LRFN5: variants seen among roughly 807,000 people sequenced by gnomAD.
LRFN5 encodes leucine-rich repeat and fibronectin type-III domain-containing protein 5.
In LRFN5, 24 loss-of-function variants were observed where a neutral mutation model predicts 45.6. The observed-to-expected ratio is 0.53, with a 90% CI of 0.38 to 0.74. The LOEUF is 0.74. Ranked by LOEUF, LRFN5 falls within the 30% of genes least tolerant of loss-of-function variation. The probability of loss-of-function intolerance (pLI) is 0.00; values close to 1 mark genes in which losing one functional copy is unlikely to be tolerated. For synonymous variants in LRFN5, 340 were observed against 313.8 expected (o/e 1.08, Z -0.88); for missense variants, 776 against 861.5 (o/e 0.90, Z 1.24).
chr14:41,785,240 T>C (rs1213445938), intron 2 of LRFN5, among the ~76,000 whole-genome samples: 1 of 152,158 alleles, frequency 6.6e-6, no homozygotes, highest in African/African-American at 2.4e-5. Flanking sequence ...AATTGCAGTG[T>C]TCAGACCACT....
At chr14:41,655,402 C>T (rs1370369698) in intron 1 of LRFN5, among the ~76,000 whole-genome samples, 5 of 151,640 alleles carry the variant, frequency 3.3e-5, no homozygotes, top group Admixed American at 6.6e-5. Flanking sequence ...AAGCATACAC[C>T]CCTTAGAAAA....
At chr14:41,811,252 T>TA (rs1049680180) in intron 2 of LRFN5, among the ~76,000 whole-genome samples, 2 of 151,946 alleles carry the variant, frequency 1.3e-5, no homozygotes, top group African/African-American at 4.8e-5. Context: ...ATGACTACAA[T>TA]AAAAAAGACA....
chr14:41,849,849 A>G (rs1889203875), intron 2 of LRFN5, among the ~76,000 whole-genome samples: 1 of 152,024 alleles, frequency 6.6e-6, no homozygotes, highest in Non-Finnish European at 1.5e-5. Flanking sequence ...TAAATATTAT[A>G]TTCTATATAC....
At chr14:41,710,600 A>ACC (rs1224535486) in intron 1 of LRFN5, among the ~76,000 whole-genome samples, 1 of 52,384 alleles carries the variant, frequency 1.9e-5, no homozygotes, top group Non-Finnish European at 3.1e-5. Flanking sequence ...AACAAATTAA[A>ACC]ACATATATAT....
chr14:41,613,494 A>G (rs1422374985), intron 1 of LRFN5, among the ~76,000 whole-genome samples: 2 of 151,002 alleles, frequency 1.3e-5, no homozygotes, highest in Non-Finnish European at 3.0e-5. Flanking sequence ...CTGTTCTTGC[A>G]TTTTTTTTTG....
intron 1 of LRFN5, among the ~76,000 whole-genome samples, chr14:41,673,131 G>A (rs138989870): frequency 0.056 from 8,466 of 151,866 alleles, 322 homozygotes; most frequent in Non-Finnish European, 0.087. Flanking sequence ...ACACAGACAC[G>A]GCAACCATCC....
At chr14:41,897,990 A>G (rs963133439) in intron 4 of LRFN5, among the ~76,000 whole-genome samples, 5 of 152,094 alleles carry the variant, frequency 3.3e-5, no homozygotes, top group South Asian at 2.1e-4. Flanking sequence ...CGTGTTGGCT[A>G]TTGGCTCTAC....
At chr14:41,613,866 T>C (rs895743774) in intron 1 of LRFN5, among the ~76,000 whole-genome samples, 1 of 152,060 alleles carries the variant, frequency 6.6e-6, no homozygotes, top group African/African-American at 2.4e-5. Context: ...GAGGAAGTGC[T>C]CAAGAGCCTT....
At chr14:41,867,729 C>A (rs546649043) in intron 2 of LRFN5, among the ~76,000 whole-genome samples, 21 of 152,218 alleles carry the variant, frequency 1.4e-4, no homozygotes, top group African/African-American at 5.1e-4. Context: ...CTGAAAAAAT[C>A]TCCTCATTCA....
At chr14:41,801,740 G>A (rs922431076) in intron 2 of LRFN5, among the ~76,000 whole-genome samples, 1 of 152,188 alleles carries the variant, frequency 6.6e-6, no homozygotes, top group African/African-American at 2.4e-5. Context: ...CCAGTTTTGA[G>A]TGATTGGTAG....
At chr14:41,868,532 G>T (rs1889913467) in intron 2 of LRFN5, among the ~76,000 whole-genome samples, 1 of 151,912 alleles carries the variant, frequency 6.6e-6, no homozygotes. Context: ...CTCTCCAGAG[G>T]GCACATAAAT....
chr14:41,674,833 C>T (rs1490683919), intron 1 of LRFN5, among the ~76,000 whole-genome samples: 1 of 151,490 alleles, frequency 6.6e-6, no homozygotes, highest in East Asian at 2.0e-4. Flanking sequence ...GGAGGGGCTC[C>T]TCACTTCTCA....
intron 2 of LRFN5, among the ~76,000 whole-genome samples, chr14:41,885,650 G>C (rs1187652218): frequency 6.6e-6 from 1 of 152,052 alleles, no homozygotes; most frequent in Non-Finnish European, 1.5e-5. Flanking sequence ...AATATTTAGG[G>C]AACTCGGAGC....
chr14:41,698,861 T>C (rs1033271615), intron 1 of LRFN5, among the ~76,000 whole-genome samples: 2 of 152,064 alleles, frequency 1.3e-5, no homozygotes, highest in African/African-American at 4.8e-5. Context: ...GTGGTAATCA[T>C]TGGTATAGGA....
Position 41,885,823 on chromosome 14 carries a change from C to A in LRFN5, c.-20-783C>A, listed in dbSNP as rs191229562. ...CCTGAGGTCAGGAGTTCGAAACCAG[C>A]CAGCCCAACATGACAAACCCTGTCT... On this transcript the variant is annotated intron_variant, in intron 2 of 5. Transcript: ENST00000298119. Among the ~76,000 whole-genome samples, 880 of 151,948 alleles carry A rather than the reference C, an allele frequency of 5.8e-3. 15 individuals carry two copies. The highest frequency in any genetic ancestry group is 0.021 in the African/African-American group (853 of 41,414).
chr14:41,653,702 A>G (rs1365379055), intron 1 of LRFN5, among the ~76,000 whole-genome samples: 1 of 152,090 alleles, frequency 6.6e-6, no homozygotes, highest in African/African-American at 2.4e-5. Context: ...AAGAAACATC[A>G]CTATTGCATA....
At position 41,904,162 on chromosome 14, in the gene LRFN5, T is replaced by C. The variant is rs983573650; in HGVS notation, c.2147T>C (p.Leu716Pro). The part of the protein sequence containing the change: ...VDQIVQETQR[L>P]ELI The stretch of plus-strand genomic sequence containing the variant: ...TTTCTTTTTCTTTCATTTCAGAGGC[T>C]GGAGTTAATCTGAAGAGCACCACTT... The change falls in exon 6 of 6, where the codon CTG becomes CCG. Residue 716 changes from leucine (L) to proline (P), a missense_variant. Leu to Pro is a moderately conservative substitution (Grantham distance 98, BLOSUM62 -3). Coordinates refer to ENST00000298119, the MANE Select transcript of LRFN5 (RefSeq NM_152447.5). 6.2e-7 allele frequency: 1 copy of C among 1,605,560 alleles called. No individual in the cohort carries two copies. Among genetic ancestry groups the C allele is most frequent in the Non-Finnish European group, 8.5e-7 (1 of 1,176,878 alleles).
chr14:41,776,042 A>C (rs894033829), intron 2 of LRFN5, among the ~76,000 whole-genome samples: 13 of 152,180 alleles, frequency 8.5e-5, no homozygotes, highest in Non-Finnish European at 1.9e-4. Flanking sequence ...TGAATGTGTC[A>C]CTAAGTAGTG....
chr14:41,733,854 T>C (rs1884286717), intron 1 of LRFN5, among the ~76,000 whole-genome samples: 2 of 151,352 alleles, frequency 1.3e-5, no homozygotes, highest in Non-Finnish European at 2.9e-5. Context: ...TGGTTCCTTA[T>C]TGATTTTTTA....
Sources: allele counts gnomAD v4.1 joint callset (sites outside exome capture counted in the v4.1 genomes callset), GRCh38; gene constraint gnomAD v4.1.1; transcripts MANE v1.5; gene names NCBI Gene and HGNC (gene_info 2026-07-23, HGNC 2026-07-21).